The following TCF12 variants were observed in gnomAD, a reference collection of about 807,000 sequenced individuals.
The protein encoded by TCF12 is DNA-binding protein HTF4.
TCF12 carries 45 observed loss-of-function variants against 86.0 expected under a neutral mutation model. The observed-to-expected ratio is 0.52, with a 90% CI of 0.41 to 0.67. The LOEUF (loss-of-function observed/expected upper bound fraction) is 0.67. Ranked by LOEUF, TCF12 falls within the 30% of genes least tolerant of loss-of-function variation. The pLI, the probability that TCF12 is intolerant of heterozygous loss-of-function variation, is 0.00. For missense variants in TCF12, 881 were observed against 859.9 expected, an observed-to-expected ratio of 1.02 and a Z score of -0.31; for synonymous variants, 330 against 299.6, an observed-to-expected ratio of 1.10 and a Z score of -1.05.
chr15:57,122,098 CA>C (rs1159877371), intron 5 of TCF12, among the ~76,000 whole-genome samples: 4,141 of 99,082 alleles, frequency 0.042, 85 homozygotes, highest in Admixed American at 0.06. Context: ...TTTCCTTGTA[CA>C]AAAAAAAAAA....
chr15:57,264,362 G>T (rs1376729969), intron 18 of TCF12, among the ~76,000 whole-genome samples: 2 of 151,120 alleles, frequency 1.3e-5, no homozygotes, highest in East Asian at 3.9e-4. Flanking sequence ...CACCACTCCA[G>T]GCTAATTTTT....
chr15:57,254,664 G>A (rs2060262777), intron 16 of TCF12, among the ~76,000 whole-genome samples: 1 of 151,758 alleles, frequency 6.6e-6, no homozygotes, highest in Non-Finnish European at 1.5e-5. Flanking sequence ...AGACTAGTCT[G>A]GGCAACAAAG....
At chr15:57,110,506 A>G (rs2050414114) in intron 5 of TCF12, among the ~76,000 whole-genome samples, 1 of 152,234 alleles carries the variant, frequency 6.6e-6, no homozygotes, top group African/African-American at 2.4e-5. Flanking sequence ...TCATCGTTCC[A>G]TGGTGCTCAT....
At chr15:57,212,247 A>G (rs1293962196) in intron 8 of TCF12, among the ~76,000 whole-genome samples, 2 of 152,094 alleles carry the variant, frequency 1.3e-5, no homozygotes, top group Non-Finnish European at 2.9e-5. Context: ...CTGCAGTTAC[A>G]TGGCTTTGAG....
At chr15:57,282,662 A>G in intron 20 of TCF12, 64 bp downstream of exon 20, 1 of 1,549,132 alleles carries the variant, frequency 6.5e-7, no homozygotes, top group Admixed American at 2.0e-5. Context: ...AAACTGGGTT[A>G]GAATCTTTGA....
chr15:57,194,112 A>G (rs1277481502), intron 7 of TCF12, among the ~76,000 whole-genome samples: 5 of 152,190 alleles, frequency 3.3e-5, no homozygotes, highest in Non-Finnish European at 7.3e-5. Flanking sequence ...GTTCAGGGGG[A>G]AAATTAGTTA....
At chr15:56,927,082 T>C (rs2060047529) in intron 3 of TCF12, among the ~76,000 whole-genome samples, 1 of 152,182 alleles carries the variant, frequency 6.6e-6, no homozygotes, top group Admixed American at 6.5e-5. Flanking sequence ...GGGATTGGCT[T>C]TCTGTAGGTA....
At chr15:57,116,301 A>G (rs979625352) in intron 5 of TCF12, among the ~76,000 whole-genome samples, 5 of 152,134 alleles carry the variant, frequency 3.3e-5, no homozygotes, top group Admixed American at 2.6e-4. Context: ...AAGATTATGG[A>G]TCTCAGAGGT....
At chr15:57,125,474 A>G (rs1200802505) in intron 5 of TCF12, among the ~76,000 whole-genome samples, 1 of 152,260 alleles carries the variant, frequency 6.6e-6, no homozygotes, top group Non-Finnish European at 1.5e-5. Flanking sequence ...ACCTACAGGT[A>G]GAATGAGTGA....
chr15:57,090,941 G>C (rs2951898), intron 4 of TCF12, among the ~76,000 whole-genome samples: 1 of 151,970 alleles, frequency 6.6e-6, no homozygotes, highest in Non-Finnish European at 1.5e-5. Flanking sequence ...GTTTCATCAC[G>C]TAGTAATTTT....
chr15:56,946,758 A>G (rs1234010571), intron 3 of TCF12, among the ~76,000 whole-genome samples: 1 of 150,052 alleles, frequency 6.7e-6, no homozygotes, highest in African/African-American at 2.4e-5. Flanking sequence ...CAGACACTCC[A>G]AGAGTTGTTT....
intron 5 of TCF12, among the ~76,000 whole-genome samples, chr15:57,156,179 T>A (rs150036561): frequency 0.033 from 4,998 of 152,324 alleles, 131 homozygotes; most frequent in Non-Finnish European, 0.048. Flanking sequence ...AATCCCTATA[T>A]TTTTAGCAGC....
intron 6 of TCF12, among the ~76,000 whole-genome samples, chr15:57,174,046 TC>T (rs2055731290): frequency 6.6e-6 from 1 of 152,122 alleles, no homozygotes; most frequent in South Asian, 2.1e-4. Context: ...TCAAAAACCT[TC>T]CCACAAAGAA....
intron 16 of TCF12, among the ~76,000 whole-genome samples, chr15:57,256,622 A>T (rs34893876): frequency 2.0e-5 from 3 of 149,606 alleles, no homozygotes; most frequent in African/African-American, 7.4e-5. Flanking sequence ...TTTTTTCCGG[A>T]ATTAACATAA....
chr15:57,144,055 A>T (rs965392865), intron 5 of TCF12, among the ~76,000 whole-genome samples: 1 of 152,208 alleles, frequency 6.6e-6, no homozygotes, highest in Admixed American at 6.5e-5. Flanking sequence ...ATATTTTAGG[A>T]TAGCATATCC....
chr15:57,203,779 C>T (rs1403530273), intron 8 of TCF12, among the ~76,000 whole-genome samples: 1 of 152,172 alleles, frequency 6.6e-6, no homozygotes. Context: ...GGCACGGTGG[C>T]TGTAGTCCCA....
At chr15:57,082,658 A>G (rs1399348144) in intron 4 of TCF12, among the ~76,000 whole-genome samples, 2 of 152,226 alleles carry the variant, frequency 1.3e-5, no homozygotes, top group African/African-American at 4.8e-5. Flanking sequence ...TTTGGAAGCC[A>G]CCTTTCATAA....
chr15:56,940,916 T>TC (rs1467500586), intron 3 of TCF12, among the ~76,000 whole-genome samples: 2 of 110,916 alleles, frequency 1.8e-5, no homozygotes, highest in Non-Finnish European at 4.4e-5. Flanking sequence ...GCCCAGCTGC[T>TC]CTTTTTTTTT....
At chr15:57,168,964 G>C (rs1597010169) in intron 6 of TCF12, among the ~76,000 whole-genome samples, 1 of 151,988 alleles carries the variant, frequency 6.6e-6, no homozygotes, top group Admixed American at 6.6e-5. Context: ...GAGAATCGCT[G>C]GAACCCGGGA....
Sources: allele counts gnomAD v4.1 joint callset (sites outside exome capture counted in the v4.1 genomes callset), GRCh38; gene constraint gnomAD v4.1.1; transcripts MANE v1.5; gene names NCBI Gene and HGNC (gene_info 2026-07-23, HGNC 2026-07-21).